The following POLN variants were observed in gnomAD, a reference collection of about 807,000 sequenced individuals.
The protein encoded by POLN is DNA polymerase nu.
In POLN, 108 loss-of-function variants were observed where a neutral mutation model predicts 113.5. The ratio of observed to expected loss-of-function variants is 0.95; its 90% CI spans 0.81 to 1.12. The LOEUF (loss-of-function observed/expected upper bound fraction) is 1.12. Among genes scored for constraint, POLN ranks in the 50% most tolerant of loss-of-function variants. POLN has a pLI of 0.00. For synonymous variants in POLN, 386 were observed against 391.5 expected, an observed-to-expected ratio of 0.99 and a Z score of 0.17; for missense variants, 1,097 against 1,077.1, an observed-to-expected ratio of 1.02 and a Z score of -0.26.
chr4:2,209,022 T>C (rs898835886), intron 4 of POLN, among the ~76,000 whole-genome samples: 1 of 148,976 alleles, frequency 6.7e-6, no homozygotes, highest in South Asian at 2.1e-4. Flanking sequence ...AACTGGCCCC[T>C]GTTCTGGGAA....
intron 19 of POLN, among the ~76,000 whole-genome samples, chr4:2,106,044 G>A (rs780755063): frequency 1.3e-5 from 2 of 151,988 alleles, no homozygotes; most frequent in East Asian, 1.9e-4. Context: ...AGTTTACTCC[G>A]GTACTCTTTT....
chr4:2,182,188 G>A (rs1733160153), intron 7 of POLN, among the ~76,000 whole-genome samples: 3 of 152,146 alleles, frequency 2.0e-5, no homozygotes, highest in Admixed American at 2.0e-4. Context: ...CCAACAATGG[G>A]TGGAATTGTG....
At chr4:2,113,687 A>G (rs1731251635) in intron 19 of POLN, among the ~76,000 whole-genome samples, 1 of 151,274 alleles carries the variant, frequency 6.6e-6, no homozygotes, top group Admixed American at 6.6e-5. Flanking sequence ...GAGAAACCCC[A>G]TCTCTACTAA....
At chr4:2,157,508 C>T (rs560622677) in intron 15 of POLN, among the ~76,000 whole-genome samples, 4 of 152,102 alleles carry the variant, frequency 2.6e-5, no homozygotes, top group South Asian at 2.1e-4. Flanking sequence ...AGGCAGATCA[C>T]GACGTAAGAG....
At chr4:2,136,553 C>T (rs1731862936) in intron 16 of POLN, among the ~76,000 whole-genome samples, 1 of 152,202 alleles carries the variant, frequency 6.6e-6, no homozygotes, top group Non-Finnish European at 1.5e-5. Flanking sequence ...TGTTAACAGC[C>T]TTTATTTAAC....
chr4:2,190,476 ATT>A (rs57891968), intron 7 of POLN, among the ~76,000 whole-genome samples: 1 of 147,630 alleles, frequency 6.8e-6, no homozygotes, highest in Non-Finnish European at 1.5e-5. Flanking sequence ...CTGGGCAATG[ATT>A]TTTTTTTTTT....
At chr4:2,082,575 T>C (rs1730448004) in intron 21 of POLN, 1 of 152,210 alleles carries the variant, frequency 6.6e-6, no homozygotes, top group African/African-American at 2.4e-5. Context: ...GACTTCTGCT[T>C]TAACTAGGTG....
chr4:2,191,121 A>C (rs747089719), intron 7 of POLN, among the ~76,000 whole-genome samples: 4 of 152,252 alleles, frequency 2.6e-5, no homozygotes, highest in East Asian at 1.9e-4. Flanking sequence ...CTGAGTGTCC[A>C]TCAACAGATA....
Position 2,187,009 on chromosome 4 carries a change from A to G in POLN, c.1021+6195T>C, listed in dbSNP as rs537401019. ...ATAGAGGCTCTCAACAGCAGAATGG[A>G]TCAAGCAGAGAAAACAATCAGTGGG... On this transcript the variant is annotated intron_variant, in intron 7 of 25. Coordinates refer to ENST00000511885, the MANE Select transcript of POLN (RefSeq NM_181808.4). Among the ~76,000 whole-genome samples the G allele has an allele frequency of 1.2e-4, 19 of 152,332 alleles. 1 individual carries two copies. Among genetic ancestry groups the G allele is most frequent in the Admixed American group, 9.8e-4 (15 of 15,304 alleles).
At chr4:2,212,991 A>G (rs1734029297) in intron 4 of POLN, 56 bp downstream of exon 4, 2 of 1,242,268 alleles carry the variant, frequency 1.6e-6, no homozygotes, top group South Asian at 1.3e-5. Flanking sequence ...CTTAATAAGC[A>G]TCTATTGAAC....
rs1225512196 is a variant in POLN, at chr4:2,072,164, C to T, written c.2653G>A (p.Ala885Thr). The T allele has an allele frequency of 1.2e-6, 2 of 1,611,868 alleles. No homozygotes were observed. The highest frequency in any genetic ancestry group is 8.5e-7 in the Non-Finnish European group (1 of 1,179,108). The part of the protein sequence containing the change: ...SNSLAAPGSP[A>T]STQPPPLHFS... Reference sequence around the variant, plus strand: ...TGCAGGGGTGGGGGCTGGGTGCTGGCAGGGGACCCAGGGGCAGCCAGGCTG... The same window carrying T: ...TGCAGGGGTGGGGGCTGGGTGCTGGTAGGGGACCCAGGGGCAGCCAGGCTG... The change falls in exon 26 of 26, where the codon GCC becomes ACC. Residue 885 changes from alanine to threonine, a missense_variant. Ala to Thr is a moderately conservative substitution (Grantham distance 58). Coordinates refer to ENST00000511885, the MANE Select transcript of POLN (RefSeq NM_181808.4).
chr4:2,140,260 T>A (rs1433058362), intron 16 of POLN, among the ~76,000 whole-genome samples: 2 of 152,062 alleles, frequency 1.3e-5, no homozygotes, highest in African/African-American at 4.8e-5. Flanking sequence ...CTCTTTTTAG[T>A]AGAGACGGGG....
At chr4:2,231,647 T>G (rs908282042) in intron 2 of POLN, 1 of 202,894 alleles carries the variant, frequency 4.9e-6, no homozygotes, top group Non-Finnish European at 9.8e-6. Flanking sequence ...AGGAGAGAGA[T>G]AACTATATTA....
chr4:2,228,767 A>T, intron 3 of POLN: 1 of 217,798 alleles, frequency 4.6e-6, no homozygotes, highest in Non-Finnish European at 9.1e-6. Context: ...TGTTCACCAC[A>T]CAAAATAGCA....
chr4:2,188,622 AAC>A (rs546607806), intron 7 of POLN, among the ~76,000 whole-genome samples: 22,553 of 131,334 alleles, frequency 0.17, 2,645 homozygotes, highest in African/African-American at 0.4. Flanking sequence ...AAAACAAAAA[AAC>A]AAAACAAAAC....
chr4:2,176,946 A>G (rs1051263982), intron 8 of POLN, among the ~76,000 whole-genome samples: 1 of 151,822 alleles, frequency 6.6e-6, no homozygotes, highest in African/African-American at 2.4e-5. Flanking sequence ...CAAATCCCCC[A>G]CCTCCAGCCC....
At chr4:2,169,760 G>A (rs767938502) in intron 13 of POLN, among the ~76,000 whole-genome samples, 15 of 152,226 alleles carry the variant, frequency 9.9e-5, no homozygotes, top group Non-Finnish European at 1.6e-4. Context: ...CTCTGTACTG[G>A]CTCCCAAGGA....
At chr4:2,141,445 G>A (rs1281779835) in intron 16 of POLN, among the ~76,000 whole-genome samples, 1 of 152,172 alleles carries the variant, frequency 6.6e-6, no homozygotes, top group Non-Finnish European at 1.5e-5. Context: ...CACCTGAAGA[G>A]AGGGTCCTGT....
At chr4:2,236,979 T>C (rs143867142) in intron 2 of POLN, among the ~76,000 whole-genome samples, 35 of 151,788 alleles carry the variant, frequency 2.3e-4, no homozygotes, top group African/African-American at 7.7e-4. Flanking sequence ...TACAGAAATA[T>C]ATATTCTAAC....
Sources: gnomAD v4.1 joint callset for allele counts (sites outside exome capture counted in the v4.1 genomes callset) on GRCh38, gnomAD v4.1.1 for gene constraint, MANE v1.5 for transcripts, NCBI Gene and HGNC (gene_info 2026-07-23, HGNC 2026-07-21) for gene names.